Variants in CSMD3 observed in about 807,000 individuals in gnomAD.
CSMD3 encodes the protein CUB and Sushi multiple domains 3.
A neutral mutation model predicts 435.2 loss-of-function variants in CSMD3; 177 were observed. That is an observed-to-expected ratio of 0.41 (90% CI 0.36 to 0.46). The LOEUF (loss-of-function observed/expected upper bound fraction) is 0.46. Ranked by LOEUF, CSMD3 falls within the 20% of genes least tolerant of loss-of-function variation. CSMD3 has a pLI of 0.34. For synonymous variants in CSMD3, 1,656 were observed against 1,520.5 expected, an observed-to-expected ratio of 1.09 and a Z score of -2.07; for missense variants, 4,265 against 4,504.6, an observed-to-expected ratio of 0.95 and a Z score of 1.52.
At chr8:112,951,859 C>T (rs2083826316) in intron 8 of CSMD3, among the ~76,000 whole-genome samples, 1 of 142,036 alleles carries the variant, frequency 7.0e-6, no homozygotes. Flanking sequence ...GAGGAGCCTA[C>T]TAAAGAATTG....
chr8:113,292,594 A>G (rs1161194865), intron 2 of CSMD3, among the ~76,000 whole-genome samples: 1 of 151,938 alleles, frequency 6.6e-6, no homozygotes, highest in Non-Finnish European at 1.5e-5. Flanking sequence ...TTTACACACA[A>G]AAGTATCACT....
chr8:112,403,250 T>G (rs1563900966), intron 35 of CSMD3, among the ~76,000 whole-genome samples: 1 of 152,144 alleles, frequency 6.6e-6, no homozygotes, highest in Non-Finnish European at 1.5e-5. Flanking sequence ...AAAACTTAGT[T>G]TTAAATCCTG....
chr8:112,631,062 G>T (rs986074182), intron 22 of CSMD3, among the ~76,000 whole-genome samples: 2 of 151,472 alleles, frequency 1.3e-5, no homozygotes, highest in Admixed American at 1.3e-4. Flanking sequence ...AATAAATGGA[G>T]CCCAGGATGA....
intron 16 of CSMD3, among the ~76,000 whole-genome samples, chr8:112,679,411 T>C (rs1403870962): frequency 6.6e-6 from 1 of 152,128 alleles, no homozygotes; most frequent in African/African-American, 2.4e-5. Flanking sequence ...TCCACCTTGC[T>C]ATTGGGTCCA....
chr8:112,511,994 T>A (rs1044470585), intron 28 of CSMD3, among the ~76,000 whole-genome samples: 4 of 152,122 alleles, frequency 2.6e-5, no homozygotes, highest in Non-Finnish European at 5.9e-5. Flanking sequence ...AGCAATCCTG[T>A]CCCATATTCA....
At chr8:112,509,982 C>T (rs147547079) in intron 28 of CSMD3, among the ~76,000 whole-genome samples, 7 of 152,136 alleles carry the variant, frequency 4.6e-5, no homozygotes, top group African/African-American at 1.7e-4. Flanking sequence ...GCTTCTTTTC[C>T]TAGGTTCCTA....
At chr8:112,470,523 T>C (rs773364366) in intron 32 of CSMD3, among the ~76,000 whole-genome samples, 47 of 152,160 alleles carry the variant, frequency 3.1e-4, no homozygotes, top group Non-Finnish European at 5.4e-4. Flanking sequence ...CCAATGAAAA[T>C]AGCAAGTAAG....
At chr8:113,327,714 T>C (rs530031175) in intron 1 of CSMD3, among the ~76,000 whole-genome samples, 5 of 152,248 alleles carry the variant, frequency 3.3e-5, no homozygotes, top group African/African-American at 1.2e-4. Context: ...TGCTGTTATT[T>C]GGCCTGACAT....
At chr8:113,204,259 GC>G (rs1202238419) in intron 3 of CSMD3, among the ~76,000 whole-genome samples, 1 of 151,990 alleles carries the variant, frequency 6.6e-6, no homozygotes, top group Non-Finnish European at 1.5e-5. Flanking sequence ...CATTTCACAG[GC>G]TAAGGAAGAG....
chr8:113,215,105 T>A (rs2132098912), intron 3 of CSMD3, among the ~76,000 whole-genome samples: 1 of 152,024 alleles, frequency 6.6e-6, no homozygotes, highest in Non-Finnish European at 1.5e-5. Context: ...AATATCATTT[T>A]TATGGCTTTA....
At chr8:112,306,344 C>A in intron 50 of CSMD3, 152 bp from the exon 51 acceptor site, 5 of 670,932 alleles carry the variant, frequency 7.5e-6, no homozygotes, top group Admixed American at 2.4e-5. Context: ...ACTTTCCGAA[C>A]CATAAATTTT....
chr8:113,158,883 A>AG (rs2091984988), intron 4 of CSMD3, among the ~76,000 whole-genome samples: 1 of 152,138 alleles, frequency 6.6e-6, no homozygotes, highest in South Asian at 2.1e-4. Flanking sequence ...TGCAACATTT[A>AG]GGGGGAAATG....
intron 3 of CSMD3, among the ~76,000 whole-genome samples, chr8:113,183,822 A>G (rs888660959): frequency 1.4e-4 from 21 of 152,016 alleles, no homozygotes; most frequent in Admixed American, 9.2e-4. Flanking sequence ...GTAAAAGCCA[A>G]ATCAAACTGT....
intron 5 of CSMD3, among the ~76,000 whole-genome samples, chr8:113,025,657 T>C (rs1406712726): frequency 6.6e-6 from 1 of 152,110 alleles, no homozygotes; most frequent in Non-Finnish European, 1.5e-5. Flanking sequence ...TGACTGGTTC[T>C]GGAGTGGGTT....
intron 10 of CSMD3, among the ~76,000 whole-genome samples, chr8:112,876,392 A>T (rs1027759713): frequency 1.3e-5 from 2 of 152,162 alleles, no homozygotes; most frequent in Non-Finnish European, 2.9e-5. Flanking sequence ...AGAACATTTC[A>T]GGCCAATATC....
At chr8:112,544,128 T>A (rs1826939101) in intron 27 of CSMD3, among the ~76,000 whole-genome samples, 1 of 152,144 alleles carries the variant, frequency 6.6e-6, no homozygotes, top group Admixed American at 6.6e-5. Context: ...GCAATATAAA[T>A]AAGCTTTAGG....
chr8:112,958,097 A>C (rs2084096489), intron 7 of CSMD3, among the ~76,000 whole-genome samples: 1 of 151,448 alleles, frequency 6.6e-6, no homozygotes, highest in South Asian at 2.1e-4. Flanking sequence ...TGTTGGGAGA[A>C]TTCCCTTTAT....
chr8:113,305,840 C>T (rs1009182402), intron 2 of CSMD3, among the ~76,000 whole-genome samples: 26 of 152,128 alleles, frequency 1.7e-4, no homozygotes, highest in Non-Finnish European at 4.4e-5. Context: ...TTTTAATTGG[C>T]TTTTTTTCTA....
At chr8:112,941,028 GA>G (rs995031226) in intron 9 of CSMD3, among the ~76,000 whole-genome samples, 5 of 150,022 alleles carry the variant, frequency 3.3e-5, no homozygotes, top group African/African-American at 1.2e-4. Flanking sequence ...TAAGAGACAA[GA>G]AAAAAAAATT....
Sources: gnomAD v4.1 joint callset for allele counts (sites outside exome capture counted in the v4.1 genomes callset) on GRCh38, gnomAD v4.1.1 for gene constraint, MANE v1.5 for transcripts, NCBI Gene and HGNC (gene_info 2026-07-23, HGNC 2026-07-21) for gene names.